ERICH3: variants seen among roughly 807,000 people sequenced by gnomAD.
ERICH3 encodes glutamate-rich protein 3.
In ERICH3, 126 loss-of-function variants were observed where a neutral mutation model predicts 131.1. The observed-to-expected ratio is 0.96, with a 90% CI of 0.83 to 1.11. The LOEUF is 1.11. ERICH3 is among the 50% of genes most tolerant of loss of function. The pLI, the probability that ERICH3 is intolerant of heterozygous loss-of-function variation, is 0.00. For synonymous variants in ERICH3, 695 were observed against 644.6 expected (o/e 1.08, Z -1.18); for missense variants, 2,050 against 1,810.7 (o/e 1.13, Z -2.40).
Position 74,572,411 on chromosome 1 carries a change from G to A in ERICH3, c.3299C>T (p.Ala1100Val), listed in dbSNP as rs564254097. Reference sequence around the variant, plus strand: ...TTCTGTCTCTGTTTCCCCTTCTTCCGCTTTAAGTTTTTGCTCTTCTTTAAA... The same window carrying A: ...TTCTGTCTCTGTTTCCCCTTCTTCCACTTTAAGTTTTTGCTCTTCTTTAAA... Reference protein sequence around the residue: ...DAFKEEQKLKAEEGETETEVR... With the variant: ...DAFKEEQKLKVEEGETETEVR... Residue 1100 changes from alanine (A) to valine (V), a missense_variant, in exon 14 of 15, where the codon GCG becomes GTG. Transcript: ENST00000326665. 30 of 1,613,608 alleles carry A rather than the reference G, an allele frequency of 1.9e-5. 1 individual carries two copies. Among genetic ancestry groups the A allele is most frequent in the South Asian group, 9.9e-5 (9 of 91,058 alleles).
Position 74,599,816 on chromosome 1 carries a change from T to C in ERICH3, c.1605A>G (p.Lys535=). 6.2e-7 allele frequency: 1 copy of C among 1,612,438 alleles called. No homozygotes were observed. The highest frequency in any genetic ancestry group is 8.5e-7 in the Non-Finnish European group (1 of 1,178,940). The change falls in exon 11 of 15, where the codon AAA becomes AAG. Residue 535 remains lysine, a synonymous_variant. Coordinates refer to ENST00000326665, the MANE Select transcript of ERICH3 (RefSeq NM_001002912.5). The part of the protein sequence containing the change: ...GIPQSPLDDK[K]DNLDPEKESE... ...TCTCTTTTTCAGGGTCTAAATTATCTTTTTTATCATCCAAAGGTGACTGCG... is the reference window on the plus strand; with the variant it reads ...TCTCTTTTTCAGGGTCTAAATTATCCTTTTTATCATCCAAAGGTGACTGCG...
rs1443716041 is a variant in ERICH3, at chr1:74,571,353, C to A, written c.4357G>T (p.Glu1453Ter). 6.2e-7 allele frequency: 1 copy of A among 1,614,066 alleles called. No homozygotes were observed. Among genetic ancestry groups the A allele is most frequent in the East Asian group, 2.2e-5 (1 of 44,842 alleles). Residue 1453 changes from glutamate to a stop codon, truncating the protein, a stop_gained, in exon 14 of 15, where the codon GAG (glutamate) becomes TAG (stop). Transcript: ENST00000326665. LOFTEE classifies it high-confidence loss of function. The stretch of plus-strand genomic sequence containing the variant: ...CTCCCAGTGGCTGCCTCCTGGCCCT[C>A]TGACCCTTCCTCTTGCTCCTGTCCT... ...GLGQEQEEGSEGQEAATGSGD... is the reference protein window; with the variant it reads ...GLGQEQEEGS
chr1:74,618,461 C>T (rs930049683), intron 8 of ERICH3, among the ~76,000 whole-genome samples: 3 of 151,950 alleles, frequency 2.0e-5, no homozygotes, highest in Admixed American at 1.3e-4. Flanking sequence ...CAACAGGATC[C>T]GGTTATGGAA....
At position 74,568,579 on chromosome 1, in the gene ERICH3, G is replaced by C. The variant is rs913594731; in HGVS notation, c.*1879C>G. The C allele has an allele frequency of 6.6e-6, 1 of 152,138 alleles. No individual in the cohort carries two copies. Among genetic ancestry groups the C allele is most frequent in the Non-Finnish European group, 1.5e-5 (1 of 67,996 alleles). The allele number at this position is 152,138 out of a possible 1,614,324, so 9.4% of individuals were successfully genotyped here. On this transcript the variant is annotated 3_prime_UTR_variant, in exon 15 of 15. Coordinates refer to ENST00000326665, the MANE Select transcript of ERICH3 (RefSeq NM_001002912.5). Reference sequence around the variant, plus strand: ...GATGGAGATTTATGATGTGCAGTGAGTAATATCCTTGAATAGGGAGTAGGG... The same window carrying C: ...GATGGAGATTTATGATGTGCAGTGACTAATATCCTTGAATAGGGAGTAGGG...
chr1:74,579,918 T>C (rs909691674), intron 12 of ERICH3: 15 of 979,620 alleles, frequency 1.5e-5, no homozygotes, highest in Non-Finnish European at 1.8e-5. Context: ...GTCAGCTTTT[T>C]TTTTTTCACT....
Position 74,572,937 on chromosome 1 carries a change from CCTCTCTCAGGG to C in ERICH3, c.2762_2772del (p.Ala921GlyfsTer10). ...GCCTCTCCCTCCTCCGATGTCGCTGCCTCTCTCAGGGCTGCTACTTCATGAAGATGCTCCAA... is the reference window on the plus strand; with the variant it reads ...GCCTCTCCCTCCTCCGATGTCGCTGCCTGCTACTTCATGAAGATGCTCCAA... On this transcript the variant is annotated frameshift_variant, in exon 14 of 15. Coordinates refer to ENST00000326665, the MANE Select transcript of ERICH3 (RefSeq NM_001002912.5). LOFTEE classifies it high-confidence loss of function. 6.2e-7 allele frequency: 1 copy of C among 1,614,110 alleles called. No homozygotes were observed.
Position 74,612,779 on chromosome 1 carries a change from T to C in ERICH3, c.1031A>G (p.His344Arg), listed in dbSNP as rs1403806298. ...ETFQFISKRH[H>R]GFPFSLTFFL... ...AAAGGTGAGACTGAAGGGGAAACCA[T>C]GATGCCTTTTGGAAATAAACTGAAA... Residue 344 changes from histidine (H) to arginine (R), a missense_variant, in exon 9 of 15, where the codon CAT becomes CGT. By Grantham distance (29) the His-to-Arg change is conservative (BLOSUM62 0). Transcript: ENST00000326665. The C allele has an allele frequency of 1.3e-6, 2 of 1,590,934 alleles. 1 individual carries two copies. The highest frequency in any genetic ancestry group is 2.2e-5 in the South Asian group (2 of 89,314).
intron 5 of ERICH3, among the ~76,000 whole-genome samples, chr1:74,637,573 T>C (rs766862611): frequency 6.6e-6 from 1 of 152,198 alleles, no homozygotes; most frequent in Non-Finnish European, 1.5e-5. Flanking sequence ...GCTTGTATAG[T>C]GCATTAGAAG....
chr1:74,612,497 C>A, intron 9 of ERICH3, 126 bp downstream of exon 9: 1 of 756,746 alleles, frequency 1.3e-6, no homozygotes, highest in Non-Finnish European at 1.9e-6. Flanking sequence ...AACCCTGAAC[C>A]TAGATATTGT....
At chr1:74,610,805 C>T (rs755944716) in intron 9 of ERICH3, among the ~76,000 whole-genome samples, 3 of 152,044 alleles carry the variant, frequency 2.0e-5, no homozygotes, top group Admixed American at 1.3e-4. Flanking sequence ...GTGCCATGAT[C>T]ACCAGTAACC....
intron 11 of ERICH3, among the ~76,000 whole-genome samples, chr1:74,592,774 C>T (rs944666945): frequency 6.6e-6 from 1 of 152,130 alleles, no homozygotes; most frequent in African/African-American, 2.4e-5. Context: ...TCAAATTTCT[C>T]CCTAACCTCA....
rs548279593 is a variant in ERICH3, at chr1:74,604,205, C to A, written c.1489+2396G>T. Among the ~76,000 whole-genome samples the A allele has an allele frequency of 2.6e-5, 4 of 151,934 alleles. No homozygotes were observed. In the East Asian group the frequency reaches 5.8e-4, roughly 22 times the overall value. The stretch of plus-strand genomic sequence containing the variant: ...CTCTGTTCATCCCTAAGAAGCAACT[C>A]CTTATCTATTCAAGTTTTATAATGA... On this transcript the variant is annotated intron_variant, in intron 10 of 14. Transcript: ENST00000326665.
rs1248020610 is a variant in ERICH3, at chr1:74,643,034, C to T, written c.308G>A (p.Arg103Lys). The change falls in exon 4 of 15, where the codon AGG becomes AAG. Residue 103 changes from arginine (R) to lysine (K), a missense_variant. Arg to Lys is a conservative substitution (Grantham distance 26, BLOSUM62 2). Coordinates refer to ENST00000326665, the MANE Select transcript of ERICH3 (RefSeq NM_001002912.5). ...AGTTATATAACTCCTTACCTTAAAC[C>T]TCTGGATTCGCTCCTTCCTAGCTAA... ...ETLARKERIQRFKGEHTRRSV... is the reference protein window; with the variant it reads ...ETLARKERIQKFKGEHTRRSV... 1 of 1,607,702 alleles carries T rather than the reference C, an allele frequency of 6.2e-7. No homozygotes were observed. Among genetic ancestry groups the T allele is most frequent in the Non-Finnish European group, 8.5e-7 (1 of 1,175,610 alleles).
Position 74,571,341 on chromosome 1 carries a change from C to T in ERICH3, c.4369G>A (p.Ala1457Thr). ...EQEEGSEGQE[A>T]ATGSGDGRQE... ...CTCCCATCGCCACTCCCAGTGGCTG[C>T]CTCCTGGCCCTCTGACCCTTCCTCT... Residue 1457 changes from alanine to threonine, a missense_variant, in exon 14 of 15, where the codon GCA (alanine) becomes ACA (threonine). Physicochemically the swap from Ala to Thr is moderately conservative, Grantham distance 58 (BLOSUM62 0). Transcript: ENST00000326665. 6.2e-7 allele frequency: 1 copy of T among 1,614,056 alleles called. No homozygotes were observed. Among genetic ancestry groups the T allele is most frequent in the Non-Finnish European group, 8.5e-7 (1 of 1,180,030 alleles).
At position 74,649,905 on chromosome 1, in the gene ERICH3, C is replaced by G. The variant is rs768996387; in HGVS notation, c.24-590G>C. Among the ~76,000 whole-genome samples, 3 of 151,994 alleles carry G rather than the reference C, an allele frequency of 2.0e-5. 1 individual carries two copies. The South Asian group carries it at 6.3e-4, about 32-fold the overall frequency. ...GGCGTGCTGTGTTGCCTTCCACTCC[C>G]GCTCCCCACCTCCTACCCCATAAGA... On this transcript the variant is annotated intron_variant, in intron 1 of 14. Coordinates refer to ENST00000326665, the MANE Select transcript of ERICH3 (RefSeq NM_001002912.5).
At chr1:74,667,534 T>C (rs1440692899) in intron 1 of ERICH3, among the ~76,000 whole-genome samples, 2 of 152,168 alleles carry the variant, frequency 1.3e-5, no homozygotes, top group East Asian at 3.9e-4. Context: ...TGGCTAAAGT[T>C]TTAATTGAAA....
rs1648406218 is a variant in ERICH3, at chr1:74,606,640, C to G, written c.1450G>C (p.Glu484Gln). ...TTTTCCTGGTCGTCTTCCAAGACTT[C>G]TTGTCCTGGTTTTCCTTTACTTGTC... Reference protein sequence around the residue: ...EMTSKGKPGQEVLEDDQENTL... With the variant: ...EMTSKGKPGQQVLEDDQENTL... The change falls in exon 10 of 15, where the codon GAA (glutamate) becomes CAA (glutamine). Residue 484 changes from glutamate to glutamine, a missense_variant. Coordinates refer to ENST00000326665, the MANE Select transcript of ERICH3 (RefSeq NM_001002912.5). 1 of 1,611,838 alleles carries G rather than the reference C, an allele frequency of 6.2e-7. No individual in the cohort carries two copies. Among genetic ancestry groups the G allele is most frequent in the African/African-American group, 1.3e-5 (1 of 74,798 alleles).
At chr1:74,639,769 T>C (rs938163339) in intron 5 of ERICH3, among the ~76,000 whole-genome samples, 5 of 152,164 alleles carry the variant, frequency 3.3e-5, no homozygotes, top group African/African-American at 1.2e-4. Flanking sequence ...TAACATTGTA[T>C]TGGATGCTTT....
intron 8 of ERICH3, among the ~76,000 whole-genome samples, chr1:74,619,245 T>A (rs1218700261): frequency 6.6e-6 from 1 of 152,188 alleles, no homozygotes; most frequent in Non-Finnish European, 1.5e-5. Flanking sequence ...AGAGTGTACA[T>A]CATCTACCAG....
Sources: allele counts gnomAD v4.1 joint callset (sites outside exome capture counted in the v4.1 genomes callset), GRCh38; gene constraint gnomAD v4.1.1; transcripts MANE v1.5; gene names NCBI Gene and HGNC (gene_info 2026-07-23, HGNC 2026-07-21).